STK3: variants seen among roughly 807,000 people sequenced by gnomAD.
The protein encoded by STK3 is serine/threonine kinase 3.
A neutral mutation model predicts 58.0 loss-of-function variants in STK3; 41 were observed. The observed-to-expected ratio is 0.71, with a 90% confidence interval of 0.55 to 0.92. The LOEUF (loss-of-function observed/expected upper bound fraction) is 0.92. Among genes scored for constraint, STK3 ranks in the 40% least tolerant of loss-of-function variants. The pLI, the probability that STK3 is intolerant of heterozygous loss-of-function variation, is 0.00. For synonymous variants in STK3, 170 were observed against 191.0 expected, an observed-to-expected ratio of 0.89 and a Z score of 0.91; for missense variants, 479 against 602.7, an observed-to-expected ratio of 0.79 and a Z score of 2.15.
intron 6 of STK3, among the ~76,000 whole-genome samples, chr8:98,668,988 C>CTTTTTTTT (rs35407432): frequency 2.7e-5 from 3 of 111,108 alleles, no homozygotes; most frequent in African/African-American, 3.4e-5. Context: ...TTAATCTTGT[C>CTTTTTTTT]TTTTTTTTTT....
chr8:98,942,117 C>T (rs1196535037), intron 1 of STK3, among the ~76,000 whole-genome samples: 2 of 152,228 alleles, frequency 1.3e-5, no homozygotes, highest in Non-Finnish European at 1.5e-5. Flanking sequence ...GGGTGGGCCC[C>T]GCAATGCCTG....
intron 6 of STK3, among the ~76,000 whole-genome samples, chr8:98,628,478 G>T (rs886984746): frequency 1.3e-5 from 2 of 152,020 alleles, no homozygotes; most frequent in African/African-American, 4.8e-5. Context: ...CACAAAGCAG[G>T]TGTTTCATAA....
intron 1 of STK3, among the ~76,000 whole-genome samples, chr8:98,777,899 C>A (rs1015072045): frequency 6.6e-6 from 1 of 152,150 alleles, no homozygotes; most frequent in Non-Finnish European, 1.5e-5. Context: ...TAAAGATTTA[C>A]ATGTTAGACC....
At chr8:98,548,779 CAAATTCATGAG>C (rs1406563163) in intron 8 of STK3, among the ~76,000 whole-genome samples, 2 of 152,046 alleles carry the variant, frequency 1.3e-5, no homozygotes, top group Non-Finnish European at 2.9e-5. Context: ...CTAGAATAGG[CAAATTCATGAG>C]TACTACTATT....
intron 1 of STK3, among the ~76,000 whole-genome samples, chr8:98,915,965 A>G (rs1342736287): frequency 2.6e-5 from 4 of 152,222 alleles, no homozygotes; most frequent in African/African-American, 7.2e-5. Flanking sequence ...CCTACAAAGC[A>G]GTAGCAGATT....
At position 98,604,103 on chromosome 8, in the gene STK3, T is replaced by C. The variant is rs375682321; in HGVS notation, c.685-7934A>G. 3.1e-4 allele frequency among the ~76,000 whole-genome samples: 47 copies of C among 152,186 alleles called. No individual in the cohort carries two copies. The East Asian group carries it at 3.3e-3, about 11-fold the overall frequency. On this transcript the variant is annotated intron_variant, in intron 6 of 10. Coordinates refer to ENST00000419617, the MANE Select transcript of STK3 (RefSeq NM_006281.4). Reference sequence around the variant, plus strand: ...TCTTCAAATAATGCTGCTTTGAAGATAAAGGAAGAGGGCCATGAGCCAAAG... The same window carrying C: ...TCTTCAAATAATGCTGCTTTGAAGACAAAGGAAGAGGGCCATGAGCCAAAG...
At position 98,597,757 on chromosome 8, in the gene STK3, G is replaced by A. The variant is rs544538526; in HGVS notation, c.685-1588C>T. Reference sequence around the variant, plus strand: ...TTTAAATATCAGACCTTATAAACCCGGCTATTACAGTTTTTAAAATAGGAT... The same window carrying A: ...TTTAAATATCAGACCTTATAAACCCAGCTATTACAGTTTTTAAAATAGGAT... On this transcript the variant is annotated intron_variant, in intron 6 of 10. Transcript: ENST00000419617. 8.6e-5 allele frequency: 85 copies of A among 984,894 alleles called. No individual in the cohort carries two copies. The South Asian group carries it at 2.8e-3, about 32-fold the overall frequency. 61.0% of individuals were successfully genotyped at this position (984,894 alleles called of 1,614,324 possible). A position where few individuals can be genotyped will look rare whatever the true frequency, so the allele number is the denominator to read the frequency against.
At chr8:98,903,540 TC>T (rs1564093503) in intron 1 of STK3, among the ~76,000 whole-genome samples, 2 of 38,700 alleles carry the variant, frequency 5.2e-5, no homozygotes, top group Non-Finnish European at 8.3e-5. Context: ...TTCTTCTTCT[TC>T]TTCTTCTTCT....
At chr8:98,754,564 C>G (rs1485720019) in intron 3 of STK3, among the ~76,000 whole-genome samples, 1 of 151,634 alleles carries the variant, frequency 6.6e-6, no homozygotes, top group African/African-American at 2.4e-5. Flanking sequence ...GGCTGGAGTG[C>G]AGTGGCACCA....
At chr8:98,443,320 G>C (rs1478787343) in intron 1 of STK3, among the ~76,000 whole-genome samples, 3 of 152,212 alleles carry the variant, frequency 2.0e-5, no homozygotes, top group Non-Finnish European at 4.4e-5. Context: ...ATTGGCTATT[G>C]AGTAATCTAA....
At chr8:98,783,028 A>G (rs1187612892) in intron 1 of STK3, among the ~76,000 whole-genome samples, 1 of 151,460 alleles carries the variant, frequency 6.6e-6, no homozygotes, top group Admixed American at 6.6e-5. Context: ...GGAGAGGGAG[A>G]GAGAGAGAGA....
chr8:98,523,239 T>C (rs571519462), intron 10 of STK3, among the ~76,000 whole-genome samples: 180 of 152,302 alleles, frequency 1.2e-3, no homozygotes, highest in South Asian at 2.5e-3. Flanking sequence ...TAATAGTCAT[T>C]TGAATGGGTG....
At position 98,937,747 on chromosome 8, in the gene STK3, T is replaced by C. The variant is rs1840247270; in HGVS notation, c.-79+4631A>G. 2.0e-5 allele frequency among the ~76,000 whole-genome samples: 3 copies of C among 152,240 alleles called. No individual in the cohort carries two copies. In the South Asian group the frequency reaches 6.2e-4, roughly 32 times the overall value. ...GCTTGACTTGGATTAGATTCAAGAA[T>C]AGTGTATTAGCCCTCCAGGGGAATA... On this transcript the variant is annotated intron_variant, in intron 1 of 1. Transcript: ENST00000519420.
At chr8:98,915,744 A>T (rs754706102) in intron 1 of STK3, among the ~76,000 whole-genome samples, 2 of 152,012 alleles carry the variant, frequency 1.3e-5, no homozygotes, top group Non-Finnish European at 1.5e-5. Context: ...TCTGTCACAC[A>T]GGGCACCCAC....
intron 1 of STK3, among the ~76,000 whole-genome samples, chr8:98,892,231 C>T (rs1158306934): frequency 6.6e-6 from 1 of 152,202 alleles, no homozygotes; most frequent in Non-Finnish European, 1.5e-5. Context: ...TCCTTCCTAG[C>T]TTGACTCTGT....
At chr8:98,378,848 A>G (rs1388652980) in intron 2 of STK3, among the ~76,000 whole-genome samples, 1 of 152,198 alleles carries the variant, frequency 6.6e-6, no homozygotes, top group Non-Finnish European at 1.5e-5. Context: ...ATCATGAAGC[A>G]TCTCTTCACC....
intron 3 of STK3, among the ~76,000 whole-genome samples, chr8:98,758,216 A>G (rs1310162687): frequency 6.6e-6 from 1 of 152,212 alleles, no homozygotes; most frequent in African/African-American, 2.4e-5. Flanking sequence ...ATTTTGCTAA[A>G]CGTATAAAGA....
chr8:98,675,383 C>A (rs918648776), intron 6 of STK3, among the ~76,000 whole-genome samples: 2 of 152,112 alleles, frequency 1.3e-5, no homozygotes, highest in African/African-American at 2.4e-5. Context: ...TTTTCTTGCA[C>A]GTCATGAGTT....
At chr8:98,460,427 T>C (rs573126564) in intron 10 of STK3, among the ~76,000 whole-genome samples, 1 of 152,312 alleles carries the variant, frequency 6.6e-6, no homozygotes, top group South Asian at 2.1e-4. Context: ...TTGTCTCAGA[T>C]TAGACTTTGG....
Sources: gnomAD v4.1 joint callset for allele counts (sites outside exome capture counted in the v4.1 genomes callset) on GRCh38, gnomAD v4.1.1 for gene constraint, MANE v1.5 for transcripts, NCBI Gene and HGNC (gene_info 2026-07-23, HGNC 2026-07-21) for gene names.